The following CCSER1 variants were observed in gnomAD, a reference collection of about 807,000 sequenced individuals.
CCSER1 encodes the protein coiled-coil serine rich protein 1.
Under a neutral mutation model 82.0 loss-of-function variants are expected in CCSER1, and 41 were observed. That is an observed-to-expected ratio of 0.50 (90% CI 0.39 to 0.65). CCSER1 has a LOEUF of 0.65. CCSER1 is among the 30% of genes least tolerant of loss of function. CCSER1 has a pLI of 0.00. For missense variants in CCSER1, 1,119 were observed against 1,064.2 expected (o/e 1.05, Z -0.72); for synonymous variants, 414 against 383.9 (o/e 1.08, Z -0.92).
At chr4:90,948,573 T>C (rs1339597973) in intron 9 of CCSER1, among the ~76,000 whole-genome samples, 1 of 151,992 alleles carries the variant, frequency 6.6e-6, no homozygotes, top group East Asian at 1.9e-4. Flanking sequence ...AATTTTTAAA[T>C]TAATACACAG....
intron 10 of CCSER1, among the ~76,000 whole-genome samples, chr4:91,301,225 A>G (rs1205825897): frequency 7.2e-5 from 11 of 151,874 alleles, no homozygotes. Context: ...TGGGTTCTTT[A>G]TAGATATTCT....
intron 5 of CCSER1, among the ~76,000 whole-genome samples, chr4:90,507,572 A>T (rs1001737134): frequency 6.6e-6 from 1 of 152,074 alleles, no homozygotes; most frequent in African/African-American, 2.4e-5. Flanking sequence ...CAAAAATACA[A>T]TCATTTCATA....
intron 9 of CCSER1, among the ~76,000 whole-genome samples, chr4:90,982,944 C>T (rs1327816047): frequency 2.6e-5 from 4 of 151,892 alleles, no homozygotes; most frequent in Admixed American, 1.3e-4. Context: ...GCCAAGAACA[C>T]GATTGATAGT....
intron 5 of CCSER1, among the ~76,000 whole-genome samples, chr4:90,574,622 A>C (rs898942262): frequency 5.3e-5 from 8 of 151,946 alleles, no homozygotes; most frequent in Non-Finnish European, 1.2e-4. Flanking sequence ...CATTGTGAGG[A>C]CCGGAATAAC....
intron 10 of CCSER1, among the ~76,000 whole-genome samples, chr4:91,103,790 A>G (rs913456825): frequency 3.3e-5 from 5 of 152,164 alleles, no homozygotes; most frequent in African/African-American, 1.2e-4. Context: ...CTTGAAAAAG[A>G]AGAGAATAAC....
chr4:90,612,916 G>A (rs1720528554), intron 5 of CCSER1, among the ~76,000 whole-genome samples: 1 of 151,986 alleles, frequency 6.6e-6, no homozygotes, highest in African/African-American at 2.4e-5. Flanking sequence ...ATTTTGACAG[G>A]GAAGTTAAAA....
intron 1 of CCSER1, among the ~76,000 whole-genome samples, chr4:90,305,421 A>G (rs920902768): frequency 3.3e-5 from 5 of 152,184 alleles, no homozygotes; most frequent in Admixed American, 3.3e-4. Context: ...TAGGCATTGA[A>G]TGGAAATAAA....
At chr4:90,193,690 G>A (rs901156441) in intron 1 of CCSER1, among the ~76,000 whole-genome samples, 1 of 151,758 alleles carries the variant, frequency 6.6e-6, no homozygotes. Context: ...ACCTAAGCTA[G>A]CGGTCCTTAA....
chr4:90,359,987 C>T (rs1000882393), intron 3 of CCSER1, among the ~76,000 whole-genome samples: 2 of 147,740 alleles, frequency 1.4e-5, no homozygotes, highest in Non-Finnish European at 3.0e-5. Context: ...AGCAAGATCT[C>T]GGCTTGCTAC....
At chr4:91,231,636 C>T (rs939222828) in intron 10 of CCSER1, among the ~76,000 whole-genome samples, 4 of 151,758 alleles carry the variant, frequency 2.6e-5, no homozygotes, top group Admixed American at 2.6e-4. Flanking sequence ...CTTTCAAAGA[C>T]ATTTTGCATG....
chr4:91,017,811 T>G (rs1031456086), intron 9 of CCSER1, among the ~76,000 whole-genome samples: 3 of 143,910 alleles, frequency 2.1e-5, no homozygotes, highest in Non-Finnish European at 4.7e-5. Context: ...GGTTTTTAAA[T>G]TGTGTGTGTG....
chr4:90,488,721 T>C (rs1327626361), intron 5 of CCSER1, among the ~76,000 whole-genome samples: 1 of 152,172 alleles, frequency 6.6e-6, no homozygotes, highest in African/African-American at 2.4e-5. Context: ...AGGTACAAAA[T>C]AGAATGCTCG....
At chr4:90,762,574 A>G (rs998573835) in intron 7 of CCSER1, among the ~76,000 whole-genome samples, 4 of 152,166 alleles carry the variant, frequency 2.6e-5, no homozygotes, top group Non-Finnish European at 5.9e-5. Context: ...CAGCGTAGCC[A>G]TAGTTATCAC....
At position 90,425,618 on chromosome 4, in the gene CCSER1, T is replaced by C. The variant is rs189204254; in HGVS notation, c.1603+25489T>C. Among the ~76,000 whole-genome samples the C allele has an allele frequency of 2.1e-3, 319 of 152,312 alleles. 1 individual carries two copies. Among genetic ancestry groups the C allele is most frequent in the African/African-American group, 7.4e-3 (306 of 41,578 alleles). ...CATAACAGCTGCCAGAGTAATAATCTAGCCTCTATCTCCAGTTTGACCTCT... is the reference window on the plus strand; with the variant it reads ...CATAACAGCTGCCAGAGTAATAATCCAGCCTCTATCTCCAGTTTGACCTCT... On this transcript the variant is annotated intron_variant, in intron 4 of 10. Transcript: ENST00000509176.
intron 10 of CCSER1, among the ~76,000 whole-genome samples, chr4:91,511,904 C>A (rs1759845196): frequency 6.6e-6 from 1 of 152,122 alleles, no homozygotes; most frequent in Non-Finnish European, 1.5e-5. Context: ...CATCCCAAAA[C>A]TCTCCTTCCC....
At position 90,408,531 on chromosome 4, in the gene CCSER1, G is replaced by A. The variant is rs1201584153; in HGVS notation, c.1603+8402G>A. On this transcript the variant is annotated intron_variant, in intron 4 of 10. Coordinates refer to ENST00000509176, the MANE Select transcript of CCSER1 (RefSeq NM_001145065.2). The stretch of plus-strand genomic sequence containing the variant: ...GATACCGAGGCAAACAGGGTCTGGA[G>A]TGGACCTCCAGTAAACTCCAACAGA... Among the ~76,000 whole-genome samples, 5 of 152,214 alleles carry A rather than the reference G, an allele frequency of 3.3e-5. No individual in the cohort carries two copies. The East Asian group carries it at 9.6e-4, about 29-fold the overall frequency.
chr4:91,329,104 A>G (rs886307287), intron 10 of CCSER1, among the ~76,000 whole-genome samples: 5 of 152,190 alleles, frequency 3.3e-5, no homozygotes, highest in Non-Finnish European at 7.3e-5. Context: ...TATTAGCAGA[A>G]TGAGAACAGA....
At chr4:90,303,740 C>T (rs368680390) in intron 1 of CCSER1, among the ~76,000 whole-genome samples, 1 of 152,060 alleles carries the variant, frequency 6.6e-6, no homozygotes, top group Non-Finnish European at 1.5e-5. Flanking sequence ...CATAGGCATG[C>T]GCAAGGACTT....
At chr4:90,307,901 A>G (rs1268457033) in intron 1 of CCSER1, among the ~76,000 whole-genome samples, 4 of 152,220 alleles carry the variant, frequency 2.6e-5, no homozygotes, top group African/African-American at 4.8e-5. Context: ...AAACATAAAA[A>G]GTTAAGAATA....
Sources: allele counts gnomAD v4.1 joint callset (sites outside exome capture counted in the v4.1 genomes callset), GRCh38; gene constraint gnomAD v4.1.1; transcripts MANE v1.5; gene names NCBI Gene and HGNC (gene_info 2026-07-23, HGNC 2026-07-21).